Variants in CDCA2 observed in about 807,000 individuals in gnomAD.
CDCA2 encodes the protein cell division cycle-associated protein 2.
A neutral mutation model predicts 67.0 loss-of-function variants in CDCA2; 44 were observed. The ratio of observed to expected loss-of-function variants is 0.66; its 90% CI spans 0.52 to 0.84. The LOEUF is 0.84. Ranked by LOEUF, CDCA2 falls within the 40% of genes least tolerant of loss-of-function variation. The probability of loss-of-function intolerance (pLI) is 0.00; values close to 1 mark genes in which losing one functional copy is unlikely to be tolerated. For missense variants in CDCA2, 1,253 were observed against 1,203.2 expected (o/e 1.04, Z -0.61); for synonymous variants, 447 against 418.7 (o/e 1.07, Z -0.82).
At chr8:25,465,435 A>T (rs1043578280) in intron 4 of CDCA2, among the ~76,000 whole-genome samples, 1 of 152,200 alleles carries the variant, frequency 6.6e-6, no homozygotes, top group African/African-American at 2.4e-5. Flanking sequence ...TTTAATTTTT[A>T]TGTAAAGGGA....
At position 25,506,793 on chromosome 8, in the gene CDCA2, C is replaced by G; in HGVS notation, c.2127C>G (p.Asp709Glu). 1 of 1,613,994 alleles carries G rather than the reference C, an allele frequency of 6.2e-7. No individual in the cohort carries two copies. The highest frequency in any genetic ancestry group is 2.2e-5 in the East Asian group (1 of 44,866). The change falls in exon 15 of 15, where the codon GAC becomes GAG. Residue 709 changes from aspartate (D) to glutamate (E), a missense_variant. Transcript: ENST00000330560. Reference sequence around the variant, plus strand: ...AAAATGAACCAAAAGCTGGAACTGACAGTCCTGTTTCTTGTGCTTCTGTAA... The same window carrying G: ...AAAATGAACCAAAAGCTGGAACTGAGAGTCCTGTTTCTTGTGCTTCTGTAA... ...ESENEPKAGT[D>E]SPVSCASVTE...
chr8:25,472,198 C>T (rs1563264992), intron 7 of CDCA2: 1 of 66,300 alleles, frequency 1.5e-5, no homozygotes, highest in Non-Finnish European at 5.0e-5. Context: ...TGCTGATAGC[C>T]TCAATTTTTT....
chr8:25,495,112 T>C lies in CDCA2; in HGVS notation c.1671+6423T>C, dbSNP rs1211156350. 7.9e-5 allele frequency among the ~76,000 whole-genome samples: 12 copies of C among 152,198 alleles called. 1 individual carries two copies. Among genetic ancestry groups the C allele is most frequent in the Admixed American group, 7.2e-4 (11 of 15,272 alleles). ...TGTCTAAGAAAGTAGAGTACACATATAGTTTTGATTTTTCAGTTGAAGAAT... is the reference window on the plus strand; with the variant it reads ...TGTCTAAGAAAGTAGAGTACACATACAGTTTTGATTTTTCAGTTGAAGAAT... On this transcript the variant is annotated intron_variant, in intron 13 of 14. Coordinates refer to ENST00000330560, the MANE Select transcript of CDCA2 (RefSeq NM_152562.4).
chr8:25,480,254 T>C, intron 8 of CDCA2, 130 bp downstream of exon 8: 1 of 768,738 alleles, frequency 1.3e-6, no homozygotes, highest in Non-Finnish European at 2.0e-6. Context: ...CGTAAATTTT[T>C]TTCCTCATCT....
chr8:25,485,731 T>C (rs768070673), intron 10 of CDCA2, 28 bp from the exon 11 acceptor site: 11 of 1,404,188 alleles, frequency 7.8e-6, no homozygotes, highest in Admixed American at 2.0e-5. Flanking sequence ...TTTAAAGATA[T>C]CTAACTTCTG....
chr8:25,475,307 T>G (rs978618447), intron 7 of CDCA2, among the ~76,000 whole-genome samples: 1 of 152,012 alleles, frequency 6.6e-6, no homozygotes, highest in Non-Finnish European at 1.5e-5. Context: ...GATCACAAGG[T>G]CAGGAGTTCT....
At chr8:25,502,112 G>A (rs1369791957) in intron 13 of CDCA2, among the ~76,000 whole-genome samples, 1 of 152,016 alleles carries the variant, frequency 6.6e-6, no homozygotes, top group East Asian at 1.9e-4. Flanking sequence ...GGCCAGGATG[G>A]TCTCGATCTC....
intron 7 of CDCA2, among the ~76,000 whole-genome samples, chr8:25,475,017 G>A (rs1803290935): frequency 1.3e-5 from 2 of 152,204 alleles, no homozygotes; most frequent in Non-Finnish European, 2.9e-5. Context: ...CTTAGTGACA[G>A]CACAAGGGCT....
intron 13 of CDCA2, among the ~76,000 whole-genome samples, chr8:25,498,992 C>T (rs149460038): frequency 8.8e-4 from 134 of 152,146 alleles, no homozygotes; most frequent in African/African-American, 2.9e-3. Context: ...TGATGTGTAA[C>T]GTCTGGGATT....
chr8:25,485,719 C>T (rs1192753242), intron 10 of CDCA2, 40 bp from the exon 11 acceptor site: 5 of 1,198,276 alleles, frequency 4.2e-6, no homozygotes, highest in Non-Finnish European at 6.0e-6. Context: ...GTATTCACTG[C>T]ATTTAAAGAT....
At chr8:25,467,520 G>A (rs545624542) in intron 5 of CDCA2, among the ~76,000 whole-genome samples, 7 of 152,098 alleles carry the variant, frequency 4.6e-5, no homozygotes, top group African/African-American at 1.2e-4. Context: ...AAACAGGTAC[G>A]TTGTGGTTGT....
chr8:25,481,191 T>C (rs542993794), intron 8 of CDCA2, among the ~76,000 whole-genome samples: 1 of 141,274 alleles, frequency 7.1e-6, no homozygotes, highest in Non-Finnish European at 1.5e-5. Flanking sequence ...AGGCCAACAC[T>C]GAAGGATCGC....
chr8:25,500,324 G>A (rs1804422995), intron 13 of CDCA2, among the ~76,000 whole-genome samples: 1 of 147,568 alleles, frequency 6.8e-6, no homozygotes, highest in African/African-American at 2.5e-5. Context: ...TGCCCACAGT[G>A]TATTAACTGA....
rs759482774 is a variant in CDCA2, at chr8:25,462,070, C to T, written c.249C>T (p.Tyr83=). ...VRNSAGKSSS[Y]LKKCRRRSAV... The stretch of plus-strand genomic sequence containing the variant: ...TCATTACAGGAAAGTCATCATCCTA[C>T]CTTAAAAAATGTAGACGACGTTCTG... Residue 83 remains tyrosine, a synonymous_variant, in exon 4 of 15, where the codon TAC becomes TAT. Coordinates refer to ENST00000330560, the MANE Select transcript of CDCA2 (RefSeq NM_152562.4). 8.1e-6 allele frequency: 13 copies of T among 1,613,914 alleles called. No homozygotes were observed. The highest frequency in any genetic ancestry group is 1.6e-4 in the Middle Eastern group (1 of 6,062).
At chr8:25,503,896 G>A (rs750281587) in intron 14 of CDCA2, among the ~76,000 whole-genome samples, 14 of 152,020 alleles carry the variant, frequency 9.2e-5, no homozygotes, top group Non-Finnish European at 1.8e-4. Flanking sequence ...GTAGTCCATC[G>A]TTGAAAGTGA....
At chr8:25,465,295 C>T (rs753408525) in intron 4 of CDCA2, among the ~76,000 whole-genome samples, 1 of 152,040 alleles carries the variant, frequency 6.6e-6, no homozygotes, top group African/African-American at 2.4e-5. Context: ...ATATCTTAAA[C>T]GGAGGTAATT....
At chr8:25,464,819 G>A (rs947407296) in intron 4 of CDCA2, among the ~76,000 whole-genome samples, 13 of 152,142 alleles carry the variant, frequency 8.5e-5, no homozygotes, top group African/African-American at 1.7e-4. Flanking sequence ...TGTTTATGTC[G>A]TGAACGTTTG....
At chr8:25,505,241 G>A (rs112952792) in intron 14 of CDCA2, among the ~76,000 whole-genome samples, 29,894 of 151,830 alleles carry the variant, frequency 0.2, 3,059 homozygotes, top group East Asian at 0.24. Flanking sequence ...TCACTCTGTC[G>A]CCCAGCCTGG....
Position 25,462,087 on chromosome 8 carries a change from G to A in CDCA2, c.266G>A (p.Arg89Gln), listed in dbSNP as rs149260399. ...TCATCCTACCTTAAAAAATGTAGAC[G>A]ACGTTCTGCAGTCGGTGCTCGGGGC... ...KSSSYLKKCR[R>Q]RSAVGARGSP... The change falls in exon 4 of 15, where the codon CGA (arginine) becomes CAA (glutamine). Residue 89 changes from arginine to glutamine, a missense_variant. Physicochemically the swap from Arg to Gln is conservative, Grantham distance 43 (BLOSUM62 1). Transcript: ENST00000330560. The A allele has an allele frequency of 9.3e-6, 15 of 1,614,050 alleles. No individual in the cohort carries two copies. Among genetic ancestry groups the A allele is most frequent in the South Asian group, 2.2e-5 (2 of 91,082 alleles).
Sources: allele counts gnomAD v4.1 joint callset (sites outside exome capture counted in the v4.1 genomes callset), GRCh38; gene constraint gnomAD v4.1.1; transcripts MANE v1.5; gene names NCBI Gene and HGNC (gene_info 2026-07-23, HGNC 2026-07-21).